C2CD3: variants seen among roughly 807,000 people sequenced by gnomAD.
C2CD3 encodes C2 domain containing 3 centriole elongation regulator.
In C2CD3, 148 loss-of-function variants were observed where a neutral mutation model predicts 234.0. The observed-to-expected ratio is 0.63, with a 90% confidence interval of 0.55 to 0.72. C2CD3 has a LOEUF of 0.72. Ranked by LOEUF, C2CD3 falls within the 30% of genes least tolerant of loss-of-function variation. The pLI is 0.00. For missense variants in C2CD3, 2,577 were observed against 2,811.5 expected, an observed-to-expected ratio of 0.92 and a Z score of 1.89; for synonymous variants, 1,000 against 1,035.4, an observed-to-expected ratio of 0.97 and a Z score of 0.66.
At chr11:74,156,428 T>C (rs559310991) in intron 3 of C2CD3, among the ~76,000 whole-genome samples, 1 of 125,586 alleles carries the variant, frequency 8.0e-6, no homozygotes, top group South Asian at 2.5e-4. Flanking sequence ...ATCACTGTAC[T>C]CCAGCCTGGG....
intron 2 of C2CD3, among the ~76,000 whole-genome samples, chr11:74,164,644 G>T (rs1315690763): frequency 1.3e-5 from 2 of 152,122 alleles, no homozygotes; most frequent in Non-Finnish European, 2.9e-5. Context: ...TTCTCCTACT[G>T]TATTTTCACT....
At chr11:74,018,178 G>A (rs182150260) in intron 32 of C2CD3, among the ~76,000 whole-genome samples, 49 of 151,800 alleles carry the variant, frequency 3.2e-4, no homozygotes, top group African/African-American at 1.1e-3. Context: ...TATGGCCGAG[G>A]TTCTGACCAG....
intron 3 of C2CD3, among the ~76,000 whole-genome samples, chr11:74,146,717 C>CACAT (rs1389323977): frequency 1.6e-5 from 2 of 128,582 alleles, no homozygotes; most frequent in African/African-American, 4.1e-5. Context: ...AAACCACACA[C>CACAT]ACACACACAC....
intron 1 of C2CD3, 123 bp from the exon 2 acceptor site, chr11:74,168,736 TAGAA>T (rs909702872): frequency 1.1e-5 from 9 of 847,942 alleles, no homozygotes; most frequent in African/African-American, 3.4e-5. Flanking sequence ...TATCACCACT[TAGAA>T]AGAAGGTTTA....
At chr11:74,170,647 T>A in intron 1 of C2CD3, 91 bp downstream of exon 1, 12 of 1,456,008 alleles carry the variant, frequency 8.2e-6, no homozygotes, top group Non-Finnish European at 1.2e-5. Flanking sequence ...TCCCTTTTCT[T>A]GTTTATCCAG....
rs1555068478 is a variant in C2CD3 at position 74,161,542 on chromosome 11, C to A, written c.340G>T (p.Val114Leu). 6.4e-7 allele frequency: 1 copy of A among 1,574,334 alleles called. No individual in the cohort carries two copies. The highest frequency in any genetic ancestry group is 1.9e-5 in the Admixed American group (1 of 51,332). The change falls in exon 3 of 33, where the codon GTG becomes TTG. Residue 114 changes from valine to leucine, a missense_variant. By Grantham distance (32) the Val-to-Leu change is conservative (BLOSUM62 1). Transcript: ENST00000334126. ...TCAAGTTTGGTGATTACTTCCAGCA[C>A]CAGCACAGCCATATCTAACCAGAAA... ...TSYLTDMAVL[V>L]LEVITKLDGL...
chr11:74,013,578 G>A, intron 32 of C2CD3, 53 bp from the exon 33 acceptor site: 2 of 1,090,600 alleles, frequency 1.8e-6, no homozygotes, highest in Non-Finnish European at 2.4e-6. Flanking sequence ...CACCACCAAT[G>A]GATGACGCTG....
In C2CD3 at chr11:74,033,632, T is replaced by C. The variant is rs762155019; in HGVS notation, c.6528A>G (p.Pro2176=). The change falls in exon 31 of 33, where the codon CCA becomes CCG. Residue 2176 remains proline, a synonymous_variant. Coordinates refer to ENST00000334126, the MANE Select transcript of C2CD3 (RefSeq NM_001286577.2). ...GTTGAGCTCCTGAGAGTGTTGGGCA[T>C]GGGATGGGCTGAGGGTTGGCTGAGG... ...ESASANPQPI[P]CPTLSGAQQS... is the part of the protein sequence containing the mutation. 9.1e-6 allele frequency: 14 copies of C among 1,536,002 alleles called. No homozygotes were observed. Among genetic ancestry groups the C allele is most frequent in the East Asian group, 2.4e-5 (1 of 40,920 alleles).
chr11:74,132,346 G>A (rs1001831037), intron 7 of C2CD3, among the ~76,000 whole-genome samples: 20 of 151,842 alleles, frequency 1.3e-4, no homozygotes, highest in South Asian at 4.1e-4. Context: ...GTGAGACTCC[G>A]TCTCAAAAAA....
At chr11:74,144,918 GCATA>G (rs987384547) in intron 3 of C2CD3, among the ~76,000 whole-genome samples, 1 of 152,078 alleles carries the variant, frequency 6.6e-6, no homozygotes, top group African/African-American at 2.4e-5. Context: ...CATAACATGT[GCATA>G]TGTCTTTGTG....
intron 25 of C2CD3, 132 bp from the exon 26 acceptor site, chr11:74,054,803 G>T: frequency 1.7e-6 from 1 of 573,982 alleles, no homozygotes; most frequent in Non-Finnish European, 3.0e-6. Flanking sequence ...GCCATCTTCT[G>T]GCATATATTT....
chr11:74,103,644 G>A lies in C2CD3; in HGVS notation c.2086-19C>T, dbSNP rs186977512. Reference sequence around the variant, plus strand: ...TGGTTACCTGTAAAACACAAAAGGAGAAGAGTCAATAAGAATGTCCTTTAG... The same window carrying A: ...TGGTTACCTGTAAAACACAAAAGGAAAAGAGTCAATAAGAATGTCCTTTAG... On this transcript the variant is annotated intron_variant, in intron 13 of 32. Transcript: ENST00000334126. 3.7e-3 allele frequency: 5,869 copies of A among 1,590,536 alleles called. 11 individuals are homozygous for A. Among genetic ancestry groups the A allele is most frequent in the Middle Eastern group, 7.4e-3 (44 of 5,966 alleles).
At chr11:74,029,496 G>A (rs540171652) in intron 31 of C2CD3, among the ~76,000 whole-genome samples, 2 of 152,246 alleles carry the variant, frequency 1.3e-5, no homozygotes, top group Non-Finnish European at 2.9e-5. Context: ...CTGTAGAGAG[G>A]TGGGGGAGGA....
chr11:74,043,861 G>A (rs902427541), intron 28 of C2CD3, among the ~76,000 whole-genome samples: 4 of 151,808 alleles, frequency 2.6e-5, no homozygotes, highest in African/African-American at 9.7e-5. Flanking sequence ...TTTGAGACAG[G>A]GTCTCACTTT....
intron 20 of C2CD3, among the ~76,000 whole-genome samples, chr11:74,088,113 A>G (rs1230454740): frequency 6.6e-6 from 1 of 152,138 alleles, no homozygotes; most frequent in East Asian, 1.9e-4. Context: ...GCAATGCAAA[A>G]TTTACTTCTC....
rs201940192 is a variant in C2CD3 at position 74,078,041 on chromosome 11, CAG to C, written c.4603+72_4603+73del. ...GAGGGTCAAGTAAAGTAATGTCTGA[CAG>C]AGTGTCTCACCTAGTGTTTGACACA... On this transcript the variant is annotated intron_variant, in intron 23 of 32. Coordinates refer to ENST00000334126, the MANE Select transcript of C2CD3 (RefSeq NM_001286577.2). The C allele has an allele frequency of 7.7e-4, 1,157 of 1,502,114 alleles. 8 individuals are homozygous for C. In the African/African-American group the frequency reaches 0.014, roughly 18 times the overall value. 93.0% of individuals were successfully genotyped at this position (1,502,114 alleles called of 1,614,324 possible).
intron 24 of C2CD3, among the ~76,000 whole-genome samples, chr11:74,057,997 C>T (rs988270708): frequency 6.6e-6 from 1 of 152,154 alleles, no homozygotes; most frequent in East Asian, 1.9e-4. Context: ...TTTCAGTGAC[C>T]TTTCTGCTAT....
intron 5 of C2CD3, 74 bp from the exon 6 acceptor site, chr11:74,133,631 C>A: frequency 6.6e-7 from 1 of 1,518,538 alleles, no homozygotes; most frequent in Non-Finnish European, 9.0e-7. Flanking sequence ...AGTGCATTTC[C>A]TTCTATCAGA....
At chr11:74,021,393 A>G (rs1952077626) in intron 32 of C2CD3, among the ~76,000 whole-genome samples, 1 of 152,242 alleles carries the variant, frequency 6.6e-6, no homozygotes, top group African/African-American at 2.4e-5. Flanking sequence ...AATTTGAGAC[A>G]TCTATTAGAT....
Sources: allele counts gnomAD v4.1 joint callset (sites outside exome capture counted in the v4.1 genomes callset), GRCh38; gene constraint gnomAD v4.1.1; transcripts MANE v1.5; gene names NCBI Gene and HGNC (gene_info 2026-07-23, HGNC 2026-07-21).